The following PDZD8 variants were observed in gnomAD, a reference collection of about 807,000 sequenced individuals.
The protein encoded by PDZD8 is PDZ domain-containing protein 8.
In PDZD8, 14 loss-of-function variants were observed where a neutral mutation model predicts 85.8. That is an observed-to-expected ratio of 0.16 (90% CI 0.11 to 0.26). PDZD8 has a LOEUF of 0.26. Ranked by LOEUF, PDZD8 falls within the 10% of genes least tolerant of loss-of-function variation. The pLI is 1.00. For missense variants in PDZD8, 1,197 were observed against 1,424.3 expected, an observed-to-expected ratio of 0.84 and a Z score of 2.57; for synonymous variants, 592 against 568.6, an observed-to-expected ratio of 1.04 and a Z score of -0.59.
chr10:117,351,160 C>T (rs1435209446), intron 1 of PDZD8, among the ~76,000 whole-genome samples: 3 of 152,138 alleles, frequency 2.0e-5, no homozygotes, highest in Non-Finnish European at 2.9e-5. Context: ...CACCCTATGA[C>T]TCTGCAATCC....
chr10:117,284,878 G>T lies in PDZD8; in HGVS notation c.1855C>A (p.Pro619Thr). 1 of 1,614,166 alleles carries T rather than the reference G, an allele frequency of 6.2e-7. No homozygotes were observed. Among genetic ancestry groups the T allele is most frequent in the Non-Finnish European group, 8.5e-7 (1 of 1,180,030 alleles). Residue 619 changes from proline to threonine, a missense_variant, in exon 5 of 5, where the codon CCA (proline) becomes ACA (threonine). Physicochemically the swap from Pro to Thr is conservative, Grantham distance 38. Transcript: ENST00000334464. ...AGAGGAGGTGGCACCACCTTCTCTG[G>T]CTTTTCAACGAGAACATCTGGTTCT... The part of the protein sequence containing the change: ...QAEPDVLVEK[P>T]EKVVPPPLVD...
In PDZD8 at chr10:117,285,415, G is replaced by A; in HGVS notation, c.1318C>T (p.Arg440Ter). 1.2e-6 allele frequency: 2 copies of A among 1,612,916 alleles called. No homozygotes were observed. Among genetic ancestry groups the A allele is most frequent in the Non-Finnish European group, 1.7e-6 (2 of 1,178,980 alleles). The change falls in exon 5 of 5, where the codon CGA (arginine) becomes TGA (stop). Residue 440 changes from arginine to a stop codon, truncating the protein, a stop_gained. Coordinates refer to ENST00000334464, the MANE Select transcript of PDZD8 (RefSeq NM_173791.5). LOFTEE classifies it high-confidence loss of function. ...VLKLIKQAGD[R>*]VLVYYERPVG... Reference sequence around the variant, plus strand: ...GGCCTTTCATAGTACACCAGGACTCGGTCACCAGCCTGCTTGATAAGCTTC... The same window carrying A: ...GGCCTTTCATAGTACACCAGGACTCAGTCACCAGCCTGCTTGATAAGCTTC...
intron 2 of PDZD8, among the ~76,000 whole-genome samples, chr10:117,322,056 T>C (rs1024357919): frequency 3.3e-5 from 5 of 152,198 alleles, no homozygotes; most frequent in African/African-American, 1.2e-4. Context: ...TGTTTTGGAT[T>C]GTTACTGATT....
In PDZD8 at chr10:117,374,748, G is replaced by C; in HGVS notation, c.480C>G (p.Ile160Met). 6.2e-7 allele frequency: 1 copy of C among 1,612,536 alleles called. No homozygotes were observed. Among genetic ancestry groups the C allele is most frequent in the Non-Finnish European group, 8.5e-7 (1 of 1,179,754 alleles). Residue 160 changes from isoleucine to methionine, a missense_variant, in exon 1 of 5, where the codon ATC (isoleucine) becomes ATG (methionine). This residue lies in a region of PDZD8 where 344 missense variants were observed against 453.6 expected (regional missense o/e 0.76). Transcript: ENST00000334464. This position sits in a 1 kb window ranked among gnomAD's most constrained non-coding sequence, Gnocchi z 7.8. ...LGETVPFIKTIRLVRPVVPSA... is the reference protein window; with the variant it reads ...LGETVPFIKTMRLVRPVVPSA... ...AGGGCACGACTGGCCGCACGAGCCG[G>C]ATGGTCTTGATGAAGGGCACCGTCT...
At chr10:117,360,247 T>G (rs1398220336) in intron 1 of PDZD8, among the ~76,000 whole-genome samples, 2 of 152,188 alleles carry the variant, frequency 1.3e-5, no homozygotes, top group African/African-American at 2.4e-5. Flanking sequence ...AGGTAAGGTA[T>G]CAAATGAGAC....
Position 117,374,850 on chromosome 10 carries a change from C to A in PDZD8, c.378G>T (p.Glu126Asp). 2.5e-6 allele frequency: 4 copies of A among 1,613,680 alleles called. No homozygotes were observed. The highest frequency in any genetic ancestry group is 3.4e-6 in the Non-Finnish European group (4 of 1,179,926). The stretch of plus-strand genomic sequence containing the variant: ...TCTTGGTCTGCAGCAGCTCCTCGAA[C>A]TCCACCTTGATCTTCTTGGTGACCC... ...RRWVTKKIKV[E>D]FEELLQTKTA... The change falls in exon 1 of 5, where the codon GAG becomes GAT. Residue 126 changes from glutamate (E) to aspartate (D), a missense_variant. Glu to Asp is a conservative substitution (Grantham distance 45). Transcript: ENST00000334464. The surrounding 1 kb of genome is among the most constrained non-coding windows in gnomAD (Gnocchi z 7.8).
At chr10:117,355,740 C>T (rs1844882738) in intron 1 of PDZD8, among the ~76,000 whole-genome samples, 1 of 152,162 alleles carries the variant, frequency 6.6e-6, no homozygotes, top group Non-Finnish European at 1.5e-5. Context: ...GTTATTATTA[C>T]TGTTCAGCTT....
intron 1 of PDZD8, among the ~76,000 whole-genome samples, chr10:117,370,022 TAAGATGAATTATCCACGTAGTAA>T (rs1260604059): frequency 1.3e-5 from 2 of 152,190 alleles, no homozygotes; most frequent in Non-Finnish European, 2.9e-5. Flanking sequence ...ACTCCATGTT[TAAGATGAATTATCCACGTAGTAA>T]AAGAACATTA....
Position 117,285,437 on chromosome 10 carries a change from C to T in PDZD8, c.1296G>A (p.Lys432=). 6.2e-7 allele frequency: 1 copy of T among 1,610,072 alleles called. No individual in the cohort carries two copies. Among genetic ancestry groups the T allele is most frequent in the Non-Finnish European group, 8.5e-7 (1 of 1,176,830 alleles). Residue 432 remains lysine (K), a synonymous_variant, in exon 5 of 5, where the codon AAG becomes AAA. Transcript: ENST00000334464. ...VKITSTLQVL[K]LIKQAGDRVL... ...CTCGGTCACCAGCCTGCTTGATAAG[C>T]TTCAACACTTGCAGTGTTGATGTGA...
rs1406382628 is a variant in PDZD8, at chr10:117,375,329, G to A, written c.-102C>T. On this transcript the variant is annotated 5_prime_UTR_variant, in exon 1 of 5. Coordinates refer to ENST00000334464, the MANE Select transcript of PDZD8 (RefSeq NM_173791.5). ...TCCATTTTGAGGACATCGGGCGGCT[G>A]GGTCGGGGCGAGCGGCTCCGTGGGC... 1 of 1,147,176 alleles carries A rather than the reference G, an allele frequency of 8.7e-7. No individual in the cohort carries two copies. Among genetic ancestry groups the A allele is most frequent in the Non-Finnish European group, 1.2e-6 (1 of 860,820 alleles). The allele number at this position is 1,147,176 out of a possible 1,614,324, so 71.1% of individuals were successfully genotyped here. A position where few individuals can be genotyped will look rare whatever the true frequency, so the allele number is the denominator to read the frequency against.
chr10:117,355,415 C>T (rs974216252), intron 1 of PDZD8, among the ~76,000 whole-genome samples: 1 of 152,194 alleles, frequency 6.6e-6, no homozygotes, highest in Non-Finnish European at 1.5e-5. Flanking sequence ...ATCTTTCTAG[C>T]TTTCCTGCAA....
At chr10:117,340,619 C>A (rs903093947) in intron 2 of PDZD8, among the ~76,000 whole-genome samples, 1 of 152,138 alleles carries the variant, frequency 6.6e-6, no homozygotes, top group Non-Finnish European at 1.5e-5. Context: ...CATGATGGTC[C>A]TGAATAAAGA....
At chr10:117,334,394 A>C (rs527599113) in intron 2 of PDZD8, among the ~76,000 whole-genome samples, 8 of 152,292 alleles carry the variant, frequency 5.3e-5, no homozygotes, top group Admixed American at 1.3e-4. Context: ...CTGTGGTCCC[A>C]GCTACTTGGG....
rs771379101 is a variant in PDZD8, at chr10:117,318,993, C to T, written c.996-19G>A. The T allele has an allele frequency of 2.0e-6, 3 of 1,512,422 alleles. No individual in the cohort carries two copies. The highest frequency in any genetic ancestry group is 1.4e-5 in the African/African-American group (1 of 72,776). The allele number at this position is 1,512,422 out of a possible 1,614,324, so 93.7% of individuals were successfully genotyped here. A position where few individuals can be genotyped will look rare whatever the true frequency, so the allele number is the denominator to read the frequency against. ...GAGTAACCTGCAGAATAAAACAAAA[C>T]AAGGGAGAGTATCATACCTGTTATA... On this transcript the variant is annotated intron_variant, in intron 2 of 4. Coordinates refer to ENST00000334464, the MANE Select transcript of PDZD8 (RefSeq NM_173791.5).
chr10:117,347,167 A>T (rs997897922), intron 1 of PDZD8, among the ~76,000 whole-genome samples: 2 of 152,004 alleles, frequency 1.3e-5, no homozygotes, highest in Admixed American at 1.3e-4. Context: ...ATCAACACAG[A>T]TGCGGGACAG....
chr10:117,284,155 T>C lies in PDZD8; in HGVS notation c.2578A>G (p.Lys860Glu). 6.2e-7 allele frequency: 1 copy of C among 1,614,186 alleles called. No individual in the cohort carries two copies. ...TGGGAAGCTGCTTTAGTCCAAACTTTTTTCTTACAGTAGTCACACCATGTT... is the reference window on the plus strand; with the variant it reads ...TGGGAAGCTGCTTTAGTCCAAACTTCTTTCTTACAGTAGTCACACCATGTT... ...NPTWCDYCKK[K>E]VWTKAASQCM... is the part of the protein sequence containing the mutation. Residue 860 changes from lysine (K) to glutamate (E), a missense_variant, in exon 5 of 5, where the codon AAA becomes GAA. Lys to Glu is a moderately conservative substitution (Grantham distance 56). Coordinates refer to ENST00000334464, the MANE Select transcript of PDZD8 (RefSeq NM_173791.5).
chr10:117,365,254 T>C (rs571340871), intron 1 of PDZD8, among the ~76,000 whole-genome samples: 1 of 152,290 alleles, frequency 6.6e-6, no homozygotes, highest in East Asian at 1.9e-4. Context: ...GGTTAACTTA[T>C]GGTACTAATG....
In PDZD8 at chr10:117,343,269, A is replaced by G. The variant is rs541186300; in HGVS notation, c.873-2167T>C. On this transcript the variant is annotated intron_variant, in intron 1 of 4. Transcript: ENST00000334464. ...CCCAGTAAGTAAGATTAAAGAAAAA[A>G]ATTTTAAGGAAATGTTAAGTAGGGA... 8.5e-5 allele frequency among the ~76,000 whole-genome samples: 13 copies of G among 152,332 alleles called. No individual in the cohort carries two copies. In the South Asian group the frequency reaches 2.3e-3, roughly 27 times the overall value.
intron 3 of PDZD8, among the ~76,000 whole-genome samples, chr10:117,309,362 A>G (rs916524404): frequency 1.3e-5 from 2 of 149,784 alleles, no homozygotes; most frequent in African/African-American, 4.9e-5. Context: ...ATTAGTTAAG[A>G]TACTAAAAGT....
Sources: allele counts gnomAD v4.1 joint callset (sites outside exome capture counted in the v4.1 genomes callset), GRCh38; gene constraint gnomAD v4.1.1; regional missense constraint gnomAD v4.1.1; non-coding constraint Gnocchi (gnomAD v3.1); transcripts MANE v1.5; gene names NCBI Gene and HGNC (gene_info 2026-07-23, HGNC 2026-07-21).